The following RABEP1 variants were observed in gnomAD, a reference collection of about 807,000 sequenced individuals.
RABEP1 encodes rabaptin, RAB GTPase binding effector protein 1, also known as rab GTPase-binding effector protein 1.
RABEP1 carries 51 observed loss-of-function variants against 123.4 expected under a neutral mutation model. That is an observed-to-expected ratio of 0.41 (90% CI 0.33 to 0.52). RABEP1 has a LOEUF of 0.52. RABEP1 is among the 20% of genes least tolerant of loss of function. The pLI is 0.16. For missense variants in RABEP1, 888 were observed against 996.3 expected (o/e 0.89, Z 1.46); for synonymous variants, 347 against 355.2 (o/e 0.98, Z 0.26).
At chr17:5,331,806 C>A in intron 2 of RABEP1, 143 bp from the exon 3 acceptor site, 1 of 694,774 alleles carries the variant, frequency 1.4e-6, no homozygotes, top group Admixed American at 2.9e-5. Flanking sequence ...TTTGTGATAC[C>A]CAGCTTACCT....
At chr17:5,367,425 C>G (rs1017123169) in intron 11 of RABEP1, among the ~76,000 whole-genome samples, 1 of 151,880 alleles carries the variant, frequency 6.6e-6, no homozygotes, top group Non-Finnish European at 1.5e-5. Context: ...GCACCCGCCA[C>G]CACGCCCGGC....
chr17:5,343,207 G>A (rs970244782), intron 5 of RABEP1, among the ~76,000 whole-genome samples: 1 of 152,104 alleles, frequency 6.6e-6, no homozygotes, highest in Non-Finnish European at 1.5e-5. Flanking sequence ...AGCCAAGATC[G>A]CACCATTGCA....
chr17:5,372,202 T>G (rs1212667769), intron 12 of RABEP1, among the ~76,000 whole-genome samples: 1 of 152,082 alleles, frequency 6.6e-6, no homozygotes, highest in African/African-American at 2.4e-5. Flanking sequence ...CCCAGTACTT[T>G]GGGAGGCTGA....
At chr17:5,351,765 C>T (rs1469198809) in intron 7 of RABEP1, among the ~76,000 whole-genome samples, 1 of 152,144 alleles carries the variant, frequency 6.6e-6, no homozygotes, top group African/African-American at 2.4e-5. Context: ...CACACCACTG[C>T]ACTTCAGCTG....
At chr17:5,308,176 T>C (rs1169378377) in intron 1 of RABEP1, among the ~76,000 whole-genome samples, 1 of 152,124 alleles carries the variant, frequency 6.6e-6, no homozygotes, top group Non-Finnish European at 1.5e-5. Flanking sequence ...ATATTTGTGG[T>C]TTCACTTTAC....
At position 5,346,843 on chromosome 17, in the gene RABEP1, A is replaced by G. The variant is rs1255666670; in HGVS notation, c.702A>G (p.Leu234=). ...LEAEKSCRTD[L]EMYVAVLNTQ... ...CTGAGAAATCTTGTAGGACTGATCT[A>G]GAGATGTATGTAGCTGTTTTGAATA... The change falls in exon 6 of 18, where the codon CTA becomes CTG. Residue 234 remains leucine (L), a synonymous_variant. Coordinates refer to ENST00000537505, the MANE Select transcript of RABEP1 (RefSeq NM_004703.6). The G allele has an allele frequency of 1.2e-6, 2 of 1,609,798 alleles. No homozygotes were observed. Among genetic ancestry groups the G allele is most frequent in the Admixed American group, 3.3e-5 (2 of 59,836 alleles).
intron 1 of RABEP1, among the ~76,000 whole-genome samples, chr17:5,285,740 G>A (rs920630145): frequency 1.3e-5 from 2 of 152,164 alleles, no homozygotes; most frequent in Admixed American, 6.5e-5. Context: ...AAAGAAACGT[G>A]CCTGTGTTAT....
intron 8 of RABEP1, 89 bp downstream of exon 8, chr17:5,354,579 G>C: frequency 8.5e-7 from 1 of 1,176,132 alleles, no homozygotes; most frequent in Non-Finnish European, 1.2e-6. Flanking sequence ...TTGTTCATAT[G>C]AGAAGTGAGA....
chr17:5,356,575 T>C (rs1909034117), intron 8 of RABEP1: 2 of 172,412 alleles, frequency 1.2e-5, no homozygotes, highest in Non-Finnish European at 2.5e-5. Flanking sequence ...AATATTTTGG[T>C]ATGTATCTCT....
chr17:5,348,710 A>G (rs1908274940), intron 6 of RABEP1, among the ~76,000 whole-genome samples: 1 of 151,760 alleles, frequency 6.6e-6, no homozygotes, highest in South Asian at 2.1e-4. Flanking sequence ...ACGGATGCCC[A>G]CCACCATGCC....
chr17:5,367,372 A>G (rs548269578), intron 11 of RABEP1, among the ~76,000 whole-genome samples: 1 of 151,562 alleles, frequency 6.6e-6, no homozygotes. Context: ...CCCAGGTTCA[A>G]GCGATTCTCC....
intron 5 of RABEP1, among the ~76,000 whole-genome samples, chr17:5,343,760 C>T (rs1362429086): frequency 6.7e-6 from 1 of 149,466 alleles, no homozygotes; most frequent in Non-Finnish European, 1.5e-5. Flanking sequence ...ACTGCACCCT[C>T]CACCTCCCAG....
chr17:5,310,431 TGCCCC>T (rs2075227036), intron 2 of RABEP1, among the ~76,000 whole-genome samples: 1 of 151,046 alleles, frequency 6.6e-6, no homozygotes, highest in South Asian at 2.1e-4. Flanking sequence ...TCTCCTGCCC[TGCCCC>T]AGCCTCCCGA....
intron 6 of RABEP1, among the ~76,000 whole-genome samples, chr17:5,348,874 ATAATAGTTTTAT>A (rs1407993002): frequency 1.3e-5 from 2 of 152,108 alleles, no homozygotes; most frequent in Non-Finnish European, 2.9e-5. Flanking sequence ...TTTCTCTTAA[ATAATAGTTTTAT>A]TAAGATAAAA....
At chr17:5,376,555 T>A (rs1911010636) in intron 13 of RABEP1, among the ~76,000 whole-genome samples, 1 of 152,210 alleles carries the variant, frequency 6.6e-6, no homozygotes, top group African/African-American at 2.4e-5. Context: ...AAATAAATTC[T>A]ATACTGAATT....
At chr17:5,284,789 TAGC>T (rs2074961803) in intron 1 of RABEP1, among the ~76,000 whole-genome samples, 1 of 151,946 alleles carries the variant, frequency 6.6e-6, no homozygotes, top group Non-Finnish European at 1.5e-5. Flanking sequence ...TTTGTGTCTT[TAGC>T]TGAACTCATG....
chr17:5,282,517 G>A lies in RABEP1; in HGVS notation c.31G>A (p.Asp11Asn). 8.1e-7 allele frequency: 1 copy of A among 1,238,662 alleles called. No homozygotes were observed. The highest frequency in any genetic ancestry group is 1.0e-6 in the Non-Finnish European group (1 of 989,196). 76.7% of individuals were successfully genotyped at this position (1,238,662 alleles called of 1,614,324 possible). Residue 11 changes from aspartate to asparagine, a missense_variant, in exon 1 of 18, where the codon GAC becomes AAC. Coordinates refer to ENST00000537505, the MANE Select transcript of RABEP1 (RefSeq NM_004703.6). Reference protein sequence around the residue: MAQPGPASQPDVSLQQRVAEL... With the variant: MAQPGPASQPNVSLQQRVAEL... ...GCAGCCGGGCCCGGCTTCCCAGCCTGACGGTGAGGCGCCCACCATGGCAGG... is the reference window on the plus strand; with the variant it reads ...GCAGCCGGGCCCGGCTTCCCAGCCTAACGGTGAGGCGCCCACCATGGCAGG...
chr17:5,316,832 CAAAAAA>C (rs55890740), intron 2 of RABEP1, among the ~76,000 whole-genome samples: 1 of 67,176 alleles, frequency 1.5e-5, no homozygotes, highest in Non-Finnish European at 2.6e-5. Flanking sequence ...GACTCTGTCT[CAAAAAA>C]AAAAAAAAAA....
Position 5,284,975 on chromosome 17 carries a change from T to A in RABEP1, c.34+2455T>A, listed in dbSNP as rs534117583. Among the ~76,000 whole-genome samples the A allele has an allele frequency of 1.3e-4, 20 of 152,040 alleles. No homozygotes were observed. The East Asian group carries it at 3.3e-3, about 25-fold the overall frequency. On this transcript the variant is annotated intron_variant, in intron 1 of 17. Transcript: ENST00000537505. ...AGAAGCGATTGTCTTTGATGACTTT[T>A]TAAAAAAAAAAAAATATTGTCTGTT...
Sources: gnomAD v4.1 joint callset for allele counts (sites outside exome capture counted in the v4.1 genomes callset) on GRCh38, gnomAD v4.1.1 for gene constraint, MANE v1.5 for transcripts, NCBI Gene and HGNC (gene_info 2026-07-23, HGNC 2026-07-21) for gene names.